The following BCAT1 variants were observed in gnomAD, a reference collection of about 807,000 sequenced individuals.
The protein encoded by BCAT1 is branched chain amino acid transaminase 1, also known as branched-chain-amino-acid aminotransferase, cytosolic.
Under a neutral mutation model 52.4 loss-of-function variants are expected in BCAT1, and 48 were observed. The observed-to-expected ratio is 0.92, with a 90% confidence interval of 0.73 to 1.16. The LOEUF (loss-of-function observed/expected upper bound fraction) is 1.16, where lower values mean the gene tolerates loss of function less well. Among genes scored for constraint, BCAT1 ranks in the 50% most tolerant of loss-of-function variants. The pLI is 0.00. For synonymous variants in BCAT1, 167 were observed against 161.3 expected (o/e 1.04, Z -0.27); for missense variants, 451 against 457.1 (o/e 0.99, Z 0.12).
In BCAT1 at chr12:24,813,426, A is replaced by C. The variant is rs760961252; in HGVS notation, c.*4582T>G. 5.3e-5 allele frequency: 8 copies of C among 152,080 alleles called. No homozygotes were observed. The highest frequency in any genetic ancestry group is 1.0e-4 in the Non-Finnish European group (7 of 67,920). The allele number at this position is 152,080 out of a possible 1,614,324, so 9.4% of individuals were successfully genotyped here. A position where few individuals can be genotyped will look rare whatever the true frequency, so the allele number is the denominator to read the frequency against. On this transcript the variant is annotated 3_prime_UTR_variant, in exon 11 of 11. Coordinates refer to ENST00000261192, the MANE Select transcript of BCAT1 (RefSeq NM_005504.7). ...TCCATCACCTTCAAGCTAATACTTT[A>C]AACAGCATGGTTCATAATAGATATT...
intron 1 of BCAT1, among the ~76,000 whole-genome samples, chr12:24,948,044 A>G (rs907882366): frequency 6.6e-6 from 1 of 152,234 alleles, no homozygotes; most frequent in African/African-American, 2.4e-5. Flanking sequence ...GCAGTTGAGA[A>G]CCACGCTTCA....
chr12:24,878,394 T>C, intron 5 of BCAT1, 136 bp downstream of exon 5: 1 of 839,378 alleles, frequency 1.2e-6, no homozygotes, highest in Non-Finnish European at 1.7e-6. Flanking sequence ...ACCTCTAATC[T>C]TGACAATCAG....
intron 1 of BCAT1, among the ~76,000 whole-genome samples, chr12:24,912,980 A>G (rs1255321268): frequency 2.0e-5 from 3 of 152,198 alleles, no homozygotes; most frequent in Admixed American, 2.0e-4. Context: ...CCAAAGATAT[A>G]AGGGAAACTG....
At chr12:24,943,780 C>A (rs190621557) in intron 1 of BCAT1, among the ~76,000 whole-genome samples, 1 of 152,062 alleles carries the variant, frequency 6.6e-6, no homozygotes, top group East Asian at 1.9e-4. Context: ...GTCAGGAGAT[C>A]AAGACCTTCC....
intron 5 of BCAT1, among the ~76,000 whole-genome samples, chr12:24,866,380 C>T (rs957591928): frequency 1.3e-5 from 2 of 152,218 alleles, no homozygotes; most frequent in African/African-American, 4.8e-5. Context: ...CTCCCGCCCC[C>T]CGCCACCGCT....
At chr12:24,847,066 A>G (rs1237281593) in intron 6 of BCAT1, among the ~76,000 whole-genome samples, 3 of 152,242 alleles carry the variant, frequency 2.0e-5, no homozygotes, top group Admixed American at 1.3e-4. Flanking sequence ...TATGCCAAGT[A>G]CTATCCTAGG....
chr12:24,940,804 C>T (rs1199788075), intron 1 of BCAT1, among the ~76,000 whole-genome samples: 4 of 152,160 alleles, frequency 2.6e-5, no homozygotes, highest in Admixed American at 2.6e-4. Flanking sequence ...TGGAATAGAA[C>T]TGAAAGCTAG....
intron 5 of BCAT1, among the ~76,000 whole-genome samples, chr12:24,875,862 T>C (rs548944026): frequency 1.3e-5 from 2 of 152,312 alleles, no homozygotes; most frequent in East Asian, 3.9e-4. Flanking sequence ...TACATAGATG[T>C]TCCTCAACTT....
chr12:24,881,323 G>A lies in BCAT1; in HGVS notation c.368C>T (p.Ser123Phe). Residue 123 changes from serine to phenylalanine, a missense_variant, in exon 4 of 11, where the codon TCT (serine) becomes TTT (phenylalanine). Ser to Phe is a radical substitution (Grantham distance 155). Transcript: ENST00000261192. Reference sequence around the variant, plus strand: ...TACCGGCAGAGTTGCCCTCACAGCAGAGCGATACATTCTATCCATGTTGAG... The same window carrying A: ...TACCGGCAGAGTTGCCCTCACAGCAAAGCGATACATTCTATCCATGTTGAG... Reference protein sequence around the residue: ...PNLNMDRMYRSAVRATLPVFD... With the variant: ...PNLNMDRMYRFAVRATLPVFD... The A allele has an allele frequency of 6.2e-7, 1 of 1,612,162 alleles. No homozygotes were observed. Among genetic ancestry groups the A allele is most frequent in the South Asian group, 1.1e-5 (1 of 91,024 alleles).
intron 1 of BCAT1, among the ~76,000 whole-genome samples, chr12:24,944,943 T>A (rs1943913165): frequency 6.6e-6 from 1 of 152,230 alleles, no homozygotes. Flanking sequence ...TTCCCATTAA[T>A]TACTGAACAC....
chr12:24,878,282 T>G (rs1003514246), intron 5 of BCAT1, among the ~76,000 whole-genome samples: 1 of 152,184 alleles, frequency 6.6e-6, no homozygotes, highest in South Asian at 2.1e-4. Flanking sequence ...TAATTGATTT[T>G]GGGGTATGGT....
rs148068827 is a variant in BCAT1 at position 24,878,682 on chromosome 12, A to G, written c.391-33T>C. The stretch of plus-strand genomic sequence containing the variant: ...AATGAAAAACATAATAAATGACAGA[A>G]TTTTCTCACAATGTGGCAATAATAA... On this transcript the variant is annotated intron_variant, in intron 4 of 10. Coordinates refer to ENST00000261192, the MANE Select transcript of BCAT1 (RefSeq NM_005504.7). The G allele has an allele frequency of 9.6e-5, 151 of 1,567,332 alleles. No individual in the cohort carries two copies. In the African/African-American group the frequency reaches 1.9e-3, roughly 20 times the overall value.
In BCAT1 at chr12:24,811,029, G is replaced by A. The variant is rs1179273658; in HGVS notation, c.*6979C>T. On this transcript the variant is annotated 3_prime_UTR_variant, in exon 11 of 11. Coordinates refer to ENST00000261192, the MANE Select transcript of BCAT1 (RefSeq NM_005504.7). ...TGTAGATCCATTATGACAATGAATG[G>A]GAAGAGGTAATCTACTCCCCCCATT... 1.3e-5 allele frequency: 2 copies of A among 152,030 alleles called. No homozygotes were observed. Among genetic ancestry groups the A allele is most frequent in the Non-Finnish European group, 2.9e-5 (2 of 67,986 alleles). 9.4% of individuals were successfully genotyped at this position (152,030 alleles called of 1,614,324 possible).
intron 7 of BCAT1, among the ~76,000 whole-genome samples, chr12:24,839,610 G>A (rs966110961): frequency 6.6e-6 from 1 of 152,206 alleles, no homozygotes; most frequent in East Asian, 1.9e-4. Flanking sequence ...TACAAGCTGA[G>A]TGCCACACAT....
chr12:24,815,517 G>T lies in BCAT1; in HGVS notation c.*2491C>A, dbSNP rs1429437739. 1 of 152,506 alleles carries T rather than the reference G, an allele frequency of 6.6e-6. No individual in the cohort carries two copies. The highest frequency in any genetic ancestry group is 6.6e-5 in the Admixed American group (1 of 15,254). The allele number at this position is 152,506 out of a possible 1,614,324, so 9.4% of individuals were successfully genotyped here. A position where few individuals can be genotyped will look rare whatever the true frequency, so the allele number is the denominator to read the frequency against. On this transcript the variant is annotated 3_prime_UTR_variant, in exon 11 of 11. Transcript: ENST00000261192. Reference sequence around the variant, plus strand: ...ATGGATAATTGCCTAGTTATAATGTGGCACTCTTGCTGTATTAATCCACTG... The same window carrying T: ...ATGGATAATTGCCTAGTTATAATGTTGCACTCTTGCTGTATTAATCCACTG...
chr12:24,921,611 A>T (rs1486378725), intron 1 of BCAT1, among the ~76,000 whole-genome samples: 1 of 152,248 alleles, frequency 6.6e-6, no homozygotes, highest in Non-Finnish European at 1.5e-5. Context: ...GATCTTTGAT[A>T]CACATACCTA....
chr12:24,875,604 T>A (rs933928450), intron 5 of BCAT1, among the ~76,000 whole-genome samples: 2 of 152,220 alleles, frequency 1.3e-5, no homozygotes, highest in African/African-American at 4.8e-5. Flanking sequence ...GCTTTTGTAC[T>A]AAGGTTCTTG....
chr12:24,911,458 G>A (rs1943325541), intron 1 of BCAT1, among the ~76,000 whole-genome samples: 1 of 152,198 alleles, frequency 6.6e-6, no homozygotes. Flanking sequence ...GTGACAGCGT[G>A]GCAGGGTGAC....
At chr12:24,921,948 T>A (rs1477408662) in intron 1 of BCAT1, among the ~76,000 whole-genome samples, 1 of 152,132 alleles carries the variant, frequency 6.6e-6, no homozygotes, top group Non-Finnish European at 1.5e-5. Context: ...AAGGACTTCG[T>A]CGTTAGATAA....
Sources: gnomAD v4.1 joint callset for allele counts (sites outside exome capture counted in the v4.1 genomes callset) on GRCh38, gnomAD v4.1.1 for gene constraint, MANE v1.5 for transcripts, NCBI Gene and HGNC (gene_info 2026-07-23, HGNC 2026-07-21) for gene names.